Variants in ACTR10 observed in about 807,000 individuals in gnomAD.
ACTR10 encodes actin-related protein 10.
A neutral mutation model predicts 56.2 loss-of-function variants in ACTR10; 43 were observed. That is an observed-to-expected ratio of 0.77 (90% confidence interval 0.60 to 0.99). ACTR10 has a LOEUF of 0.99. Ranked by LOEUF, ACTR10 falls within the 50% of genes least tolerant of loss-of-function variation. ACTR10 has a pLI of 0.00. For missense variants in ACTR10, 466 were observed against 507.8 expected (o/e 0.92, Z 0.79); for synonymous variants, 170 against 176.3 (o/e 0.96, Z 0.28).
At chr14:58,200,596 A>C (rs530755431) in intron 1 of ACTR10, among the ~76,000 whole-genome samples, 1 of 152,122 alleles carries the variant, frequency 6.6e-6, no homozygotes, top group Non-Finnish European at 1.5e-5. Context: ...GGGGATGACA[A>C]CCGTGACCTA....
chr14:58,226,084 G>T (rs1196016318), intron 10 of ACTR10, among the ~76,000 whole-genome samples: 1 of 151,916 alleles, frequency 6.6e-6, no homozygotes, highest in African/African-American at 2.4e-5. Context: ...AAAAGTTCAA[G>T]ACCCTGCCTC....
At chr14:58,221,302 AAT>A (rs1184375600) in intron 8 of ACTR10, among the ~76,000 whole-genome samples, 129 of 129,882 alleles carry the variant, frequency 9.9e-4, no homozygotes, top group African/African-American at 3.1e-3. Flanking sequence ...AAAAAAAAAA[AAT>A]ATATGCAGGC....
chr14:58,217,869 A>G (rs937395778), intron 7 of ACTR10, among the ~76,000 whole-genome samples: 4 of 152,216 alleles, frequency 2.6e-5, no homozygotes, highest in African/African-American at 7.2e-5. Flanking sequence ...ACCTAAGTAC[A>G]CTGATTGGAA....
chr14:58,234,708 T>A lies in ACTR10; in HGVS notation c.*157T>A. On this transcript the variant is annotated 3_prime_UTR_variant, in exon 13 of 13. Transcript: ENST00000254286. ...GCATTAATATATAATTCTTTTGACT[T>A]TGTTTCTCTTGTGTAGTGGTAAAAT... 1.6e-6 allele frequency: 1 copy of A among 606,450 alleles called. No individual in the cohort carries two copies. Among genetic ancestry groups the A allele is most frequent in the East Asian group, 3.1e-5 (1 of 32,294 alleles). 37.6% of individuals were successfully genotyped at this position (606,450 alleles called of 1,614,324 possible).
chr14:58,205,114 A>T (rs1480811193), intron 2 of ACTR10, among the ~76,000 whole-genome samples: 1 of 151,596 alleles, frequency 6.6e-6, no homozygotes, highest in Non-Finnish European at 1.5e-5. Context: ...CCAGCTACTC[A>T]GGAGGCTGAG....
chr14:58,223,422 G>A (rs1889325638), intron 8 of ACTR10, 200 bp from the exon 9 acceptor site: 1 of 542,432 alleles, frequency 1.8e-6, no homozygotes, highest in Non-Finnish European at 3.2e-6. Context: ...ACAGGCAAGA[G>A]CCACTGCACC....
chr14:58,211,549 T>A, intron 5 of ACTR10, 150 bp downstream of exon 5: 1 of 573,932 alleles, frequency 1.7e-6, no homozygotes. Flanking sequence ...GTTCACAGGA[T>A]TATAAGACTT....
intron 8 of ACTR10, among the ~76,000 whole-genome samples, chr14:58,221,509 A>C (rs1172727379): frequency 2.0e-5 from 3 of 152,094 alleles, no homozygotes; most frequent in South Asian, 4.1e-4. Context: ...TGGGAGGATC[A>C]CTTGAGCCTG....
chr14:58,221,292 A>T lies in ACTR10; in HGVS notation c.634+1563A>T, dbSNP rs551935715. Among the ~76,000 whole-genome samples, 851 of 149,006 alleles carry T rather than the reference A, an allele frequency of 5.7e-3. 7 individuals are homozygous for T. The highest frequency in any genetic ancestry group is 0.02 in the African/African-American group (793 of 40,410). On this transcript the variant is annotated intron_variant, in intron 8 of 12. Coordinates refer to ENST00000254286, the MANE Select transcript of ACTR10 (RefSeq NM_018477.3). ...GCGAGACTCTGTCTAAAAAAAAAAA[A>T]AAAAAAAAAAATATATGCAGGCTGG...
At chr14:58,224,917 A>C (rs1341048141) in intron 10 of ACTR10, among the ~76,000 whole-genome samples, 1 of 151,628 alleles carries the variant, frequency 6.6e-6, no homozygotes, top group Non-Finnish European at 1.5e-5. Flanking sequence ...TGAACTCAGG[A>C]GGCAGAGGTT....
intron 8 of ACTR10, 108 bp from the exon 9 acceptor site, chr14:58,223,514 A>G: frequency 1.2e-6 from 1 of 837,006 alleles, no homozygotes; most frequent in East Asian, 2.7e-5. Context: ...CCAAAGGAAT[A>G]GATGATGAGC....
intron 1 of ACTR10, among the ~76,000 whole-genome samples, chr14:58,202,336 C>G (rs1267766353): frequency 7.2e-5 from 11 of 151,848 alleles, no homozygotes; most frequent in Non-Finnish European, 1.2e-4. Context: ...AATACCAGCA[C>G]TTTGGGAGGC....
chr14:58,232,932 G>C (rs116307874), intron 12 of ACTR10, among the ~76,000 whole-genome samples: 3 of 148,278 alleles, frequency 2.0e-5, no homozygotes, highest in Non-Finnish European at 4.4e-5. Flanking sequence ...GTGCTATAGC[G>C]TGATCCCAGC....
chr14:58,204,148 G>A (rs781001475), intron 2 of ACTR10, among the ~76,000 whole-genome samples: 2 of 151,692 alleles, frequency 1.3e-5, no homozygotes, highest in Non-Finnish European at 2.9e-5. Context: ...TTGGGAGGCC[G>A]AGGCGGGCAG....
Position 58,234,529 on chromosome 14 carries a change from G to C in ACTR10, c.1232G>C (p.Arg411Thr), listed in dbSNP as rs771780704. The C allele has an allele frequency of 1.2e-6, 2 of 1,609,568 alleles. No homozygotes were observed. Among genetic ancestry groups the C allele is most frequent in the Non-Finnish European group, 8.5e-7 (1 of 1,178,382 alleles). The change falls in exon 13 of 13, where the codon AGA becomes ACA. Residue 411 changes from arginine to threonine, a missense_variant. Physicochemically the swap from Arg to Thr is moderately conservative, Grantham distance 71. Coordinates refer to ENST00000254286, the MANE Select transcript of ACTR10 (RefSeq NM_018477.3). The stretch of plus-strand genomic sequence containing the variant: ...AAAACTCAACCACCTCTGATGAAGA[G>C]AGCATTTTCCACTGAGAAATAGAAG... Reference protein sequence around the residue: ...VGKTQPPLMKRAFSTEK With the variant: ...VGKTQPPLMKTAFSTEK
At chr14:58,229,683 A>AG (rs1406821210) in intron 10 of ACTR10, among the ~76,000 whole-genome samples, 3 of 151,576 alleles carry the variant, frequency 2.0e-5, no homozygotes, top group Admixed American at 6.6e-5. Flanking sequence ...GTATCAAAAA[A>AG]AAAAAAAAAA....
At chr14:58,215,326 T>C (rs1819745801) in intron 7 of ACTR10, 42 bp downstream of exon 7, 1 of 1,271,830 alleles carries the variant, frequency 7.9e-7, no homozygotes, top group South Asian at 1.3e-5. Flanking sequence ...TTACACTCTC[T>C]TTTTGTTCTT....
intron 12 of ACTR10, among the ~76,000 whole-genome samples, chr14:58,233,390 A>C (rs1282205038): frequency 6.6e-6 from 1 of 152,216 alleles, no homozygotes; most frequent in Non-Finnish European, 1.5e-5. Flanking sequence ...GCTGTTTTTT[A>C]GGAAATATGC....
chr14:58,232,347 A>G, intron 12 of ACTR10, 80 bp downstream of exon 12: 1 of 1,076,234 alleles, frequency 9.3e-7, no homozygotes, highest in Non-Finnish European at 1.3e-6. Context: ...ATATTAGAAT[A>G]AATAATTCAG....
Sources: allele counts gnomAD v4.1 joint callset (sites outside exome capture counted in the v4.1 genomes callset), GRCh38; gene constraint gnomAD v4.1.1; transcripts MANE v1.5; gene names NCBI Gene and HGNC (gene_info 2026-07-23, HGNC 2026-07-21).